Variants in MTHFD2L observed in about 807,000 individuals in gnomAD.
MTHFD2L encodes methylenetetrahydrofolate dehydrogenase (NADP+ dependent) 2 like.
A neutral mutation model predicts 34.9 loss-of-function variants in MTHFD2L; 29 were observed. The observed-to-expected ratio is 0.83, with a 90% CI of 0.62 to 1.13. The LOEUF is 1.13. Among genes scored for constraint, MTHFD2L ranks in the 50% most tolerant of loss-of-function variants. The pLI is 0.00. For missense variants in MTHFD2L, 481 were observed against 446.5 expected (o/e 1.08, Z -0.70); for synonymous variants, 167 against 155.7 (o/e 1.07, Z -0.54).
At chr4:74,158,316 T>A in intron 1 of MTHFD2L, 35 bp downstream of exon 1, 4 of 1,235,292 alleles carry the variant, frequency 3.2e-6, no homozygotes, top group Non-Finnish European at 4.1e-6. Context: ...GCGGAGCCGC[T>A]GGCGGTGGGA....
intron 5 of MTHFD2L, among the ~76,000 whole-genome samples, chr4:74,213,218 T>A (rs1736648591): frequency 6.6e-6 from 1 of 152,212 alleles, no homozygotes; most frequent in Non-Finnish European, 1.5e-5. Flanking sequence ...TATTGTTATG[T>A]GTGAATTTGA....
At chr4:74,121,823 A>G (rs1344977201), upstream of MTHFD2L, among the ~76,000 whole-genome samples, 2 of 151,750 alleles carry the variant, frequency 1.3e-5, no homozygotes, top group African/African-American at 4.8e-5. Flanking sequence ...CCTTATCCCA[A>G]TCCACAGAAA....
chr4:74,142,175 C>A (rs1304351877), intron 1 of MTHFD2L, among the ~76,000 whole-genome samples: 1 of 152,216 alleles, frequency 6.6e-6, no homozygotes, highest in African/African-American at 2.4e-5. Flanking sequence ...AGCTGCACTA[C>A]AAAATTTCCT....
chr4:74,282,636 TAAAAGA>T (rs1747648592), intron 7 of MTHFD2L, among the ~76,000 whole-genome samples: 1 of 151,956 alleles, frequency 6.6e-6, no homozygotes, highest in Non-Finnish European at 1.5e-5. Flanking sequence ...CATTTGAGCC[TAAAAGA>T]AAAAGAAAAC....
chr4:74,289,466 C>A (rs1218955277), intron 7 of MTHFD2L, among the ~76,000 whole-genome samples: 1 of 152,080 alleles, frequency 6.6e-6, no homozygotes, highest in Non-Finnish European at 1.5e-5. Context: ...TAGCAGCAAT[C>A]CCATCTTATA....
chr4:74,279,061 A>C (rs1403475303), intron 6 of MTHFD2L, among the ~76,000 whole-genome samples: 2 of 152,126 alleles, frequency 1.3e-5, no homozygotes, highest in Admixed American at 6.6e-5. Context: ...TTGATGCTGT[A>C]ATTAAGAAAT....
At chr4:74,146,153 C>T (rs1223817812) in intron 1 of MTHFD2L, among the ~76,000 whole-genome samples, 1 of 152,114 alleles carries the variant, frequency 6.6e-6, no homozygotes, top group East Asian at 1.9e-4. Context: ...TCTGCAAATA[C>T]TATTTGTTCT....
chr4:74,138,198 G>A (rs552941755), intron 1 of MTHFD2L, among the ~76,000 whole-genome samples: 70 of 152,142 alleles, frequency 4.6e-4, no homozygotes, highest in Non-Finnish European at 8.7e-4. Context: ...GTCTGTTTGG[G>A]TTGGTCATGG....
At chr4:74,176,701 A>G (rs1351654261) in intron 3 of MTHFD2L, among the ~76,000 whole-genome samples, 1 of 152,026 alleles carries the variant, frequency 6.6e-6, no homozygotes, top group East Asian at 1.9e-4. Context: ...GAAATTTGAA[A>G]TGTGTTATTG....
intron 7 of MTHFD2L, among the ~76,000 whole-genome samples, chr4:74,299,293 T>C (rs1432435698): frequency 6.6e-6 from 1 of 151,882 alleles, no homozygotes; most frequent in African/African-American, 2.4e-5. Context: ...ATATTAATAT[T>C]TCAAAGTTAG....
intron 4 of MTHFD2L, among the ~76,000 whole-genome samples, chr4:74,200,290 C>T (rs755637215): frequency 1.2e-4 from 18 of 151,352 alleles, no homozygotes; most frequent in Admixed American, 5.3e-4. Flanking sequence ...TCAGCCTGGG[C>T]GACAGAGCAA....
At chr4:74,210,740 T>C (rs1280820397) in intron 5 of MTHFD2L, among the ~76,000 whole-genome samples, 2 of 152,166 alleles carry the variant, frequency 1.3e-5, no homozygotes, top group African/African-American at 4.8e-5. Flanking sequence ...AGTGGTAGCT[T>C]GATGGGGATA....
chr4:74,173,459 G>C (rs1728415399), intron 1 of MTHFD2L, among the ~76,000 whole-genome samples: 1 of 152,182 alleles, frequency 6.6e-6, no homozygotes, highest in African/African-American at 2.4e-5. Context: ...TTACTGACCT[G>C]ATCCCCACCA....
chr4:74,216,439 C>A (rs1737224780), intron 5 of MTHFD2L, among the ~76,000 whole-genome samples: 1 of 151,758 alleles, frequency 6.6e-6, no homozygotes, highest in Non-Finnish European at 1.5e-5. Flanking sequence ...TGGAAAAATC[C>A]CAGTGTGGTC....
Position 74,136,070 on chromosome 4 carries a change from A to G in MTHFD2L, c.-297+10553A>G, listed in dbSNP as rs1578237700. Among the ~76,000 whole-genome samples, 7 of 152,194 alleles carry G rather than the reference A, an allele frequency of 4.6e-5. 1 individual carries two copies. The stretch of plus-strand genomic sequence containing the variant: ...GGCCTTTCCTCTAAAGGCTAGACCA[A>G]GATAAGAATGCCCACTTTCACTATT... On this transcript the variant is annotated intron_variant, in intron 1 of 7. Coordinates refer to the MTHFD2L transcript ENST00000433372.
intron 5 of MTHFD2L, among the ~76,000 whole-genome samples, chr4:74,207,966 T>G (rs1463401465): frequency 1.3e-5 from 2 of 151,980 alleles, no homozygotes; most frequent in Non-Finnish European, 2.9e-5. Context: ...GCAGGAGTCA[T>G]GCAAAGTGAT....
upstream of MTHFD2L, among the ~76,000 whole-genome samples, chr4:74,119,094 G>A (rs1374636891): frequency 6.6e-6 from 1 of 152,176 alleles, no homozygotes; most frequent in Non-Finnish European, 1.5e-5. Flanking sequence ...TGAGTGGCAG[G>A]TGATAATTCA....
chr4:74,285,523 GTAGT>G lies in MTHFD2L; in HGVS notation c.931+3978_931+3981del, dbSNP rs554052851. ...TTTAAATATTAGTTTAATTTTGCTA[GTAGT>G]TAGTAGTAGTTTTACTATTAATTTT... On this transcript the variant is annotated intron_variant, in intron 7 of 7. Transcript: ENST00000325278. Among the ~76,000 whole-genome samples the G allele has an allele frequency of 3.0e-3, 451 of 152,040 alleles. 1 individual carries two copies. The highest frequency in any genetic ancestry group is 8.1e-3 in the African/African-American group (335 of 41,466).
At chr4:74,284,242 T>G (rs932462721) in intron 7 of MTHFD2L, among the ~76,000 whole-genome samples, 3 of 152,072 alleles carry the variant, frequency 2.0e-5, no homozygotes, top group Admixed American at 6.6e-5. Flanking sequence ...TGTAAAAAAC[T>G]TCACATTAAA....
Sources: gnomAD v4.1 joint callset for allele counts (sites outside exome capture counted in the v4.1 genomes callset) on GRCh38, gnomAD v4.1.1 for gene constraint, MANE v1.5 for transcripts, NCBI Gene and HGNC (gene_info 2026-07-23, HGNC 2026-07-21) for gene names.